DMAP1: variants seen among roughly 807,000 people sequenced by gnomAD.
DMAP1 encodes the protein DNA methyltransferase 1 associated protein 1.
DMAP1 carries 26 observed loss-of-function variants against 52.7 expected under a neutral mutation model. That is an observed-to-expected ratio of 0.49 (90% CI 0.36 to 0.68). DMAP1 has a LOEUF of 0.68. DMAP1 is among the 30% of genes least tolerant of loss of function. The pLI is 0.00. For missense variants in DMAP1, 439 were observed against 625.2 expected, an observed-to-expected ratio of 0.70 and a Z score of 3.18; for synonymous variants, 231 against 246.0, an observed-to-expected ratio of 0.94 and a Z score of 0.57.
chr1:44,215,017 C>A, intron 3 of DMAP1, 119 bp downstream of exon 3: 1 of 1,144,590 alleles, frequency 8.7e-7, no homozygotes, highest in Non-Finnish European at 1.3e-6. Flanking sequence ...ACTGTGATTA[C>A]CCACTCAATC....
Position 44,219,786 on chromosome 1 carries a change from C to G in DMAP1, c.979-20C>G. On this transcript the variant is annotated intron_variant, in intron 7 of 9. Transcript: ENST00000372289. Reference sequence around the variant, plus strand: ...CCTCTTGTGGCTGGGACAGGCTTAGCTTGCCAGCTTTCATTGCAGATGAAG... The same window carrying G: ...CCTCTTGTGGCTGGGACAGGCTTAGGTTGCCAGCTTTCATTGCAGATGAAG... The G allele has an allele frequency of 6.2e-7, 1 of 1,613,580 alleles. No individual in the cohort carries two copies. The highest frequency in any genetic ancestry group is 8.5e-7 in the Non-Finnish European group (1 of 1,179,778).
chr1:44,215,783 C>T, intron 3 of DMAP1: 2 of 174,594 alleles, frequency 1.1e-5, no homozygotes, highest in Non-Finnish European at 2.5e-5. Flanking sequence ...CCCCCTAGTC[C>T]AAGCTGAGTT....
At chr1:44,214,966 CCA>C in intron 3 of DMAP1, 68 bp downstream of exon 3, 1 of 1,584,606 alleles carries the variant, frequency 6.3e-7, no homozygotes, top group Middle Eastern at 1.7e-4. Context: ...TGCGAGCTCT[CCA>C]GTCTCCTAGG....
At chr1:44,216,544 T>G (rs566615671) in intron 3 of DMAP1, 5 of 152,350 alleles carry the variant, frequency 3.3e-5, no homozygotes, top group South Asian at 2.1e-4. Context: ...GTTGTTGGTT[T>G]GTTTGTTTTT....
chr1:44,218,308 T>G lies in DMAP1; in HGVS notation c.394-3T>G. 1 of 1,614,218 alleles carries G rather than the reference T, an allele frequency of 6.2e-7. No individual in the cohort carries two copies. Among genetic ancestry groups the G allele is most frequent in the Non-Finnish European group, 8.5e-7 (1 of 1,180,038 alleles). On this transcript the variant is annotated splice_region_variant and splice_polypyrimidine_tract_variant and intron_variant, in intron 3 of 9. Transcript: ENST00000372289. This position sits in a 1 kb window ranked among gnomAD's most constrained non-coding sequence, Gnocchi z 5.6. ...CCCCTACTGTGTCCCTCTGTGCTAG[T>G]AGACTGTGCAGGTGCCTGTGTACTC...
rs752252650 is a variant in DMAP1, at chr1:44,214,819, G to A, written c.314G>A (p.Arg105His). ...TGGATGCCATTCACCAACCCGGCCC[G>A]CAAGGACGGAGCAATGTTCTTCCAC... is the stretch of plus-strand genomic sequence containing the variant. ...WKWMPFTNPA[R>H]KDGAMFFHWR... Residue 105 changes from arginine (R) to histidine (H), a missense_variant, in exon 3 of 10, where the codon CGC becomes CAC. This residue lies in a region of DMAP1 where 118 missense variants were observed against 189.8 expected (regional missense o/e 0.62). Transcript: ENST00000372289. The A allele has an allele frequency of 3.7e-6, 6 of 1,614,076 alleles. No individual in the cohort carries two copies. Among genetic ancestry groups the A allele is most frequent in the South Asian group, 2.2e-5 (2 of 91,094 alleles).
rs1430756461 is a variant in DMAP1 at position 44,219,484 on chromosome 1, G to A, written c.978+7G>A. 6 of 1,567,738 alleles carry A rather than the reference G, an allele frequency of 3.8e-6. No homozygotes were observed. The highest frequency in any genetic ancestry group is 5.2e-6 in the Non-Finnish European group (6 of 1,162,292). On this transcript the variant is annotated splice_region_variant and intron_variant, in intron 7 of 9. Coordinates refer to ENST00000372289, the MANE Select transcript of DMAP1 (RefSeq NM_019100.5). ...CACGCTGCGGAGCCAACGGGTACGT[G>A]AGTCACCTCCTTTAGCAAGTTTGGG...
chr1:44,216,360 G>A (rs530778683), intron 3 of DMAP1: 1 of 151,994 alleles, frequency 6.6e-6, no homozygotes, highest in East Asian at 1.9e-4. Context: ...CTCCTGAGTA[G>A]CTGGGACCAC....
rs770986672 is a variant in DMAP1 at position 44,220,150 on chromosome 1, T to G, written c.1185T>G (p.His395Gln). The change falls in exon 9 of 10, where the codon CAT (histidine) becomes CAG (glutamine). Residue 395 changes from histidine to glutamine, a missense_variant. Physicochemically the swap from His to Gln is conservative, Grantham distance 24. Coordinates refer to ENST00000372289, the MANE Select transcript of DMAP1 (RefSeq NM_019100.5). ...EYELQMLRHR[H>Q]EALARAGVLG... ...AGCTGCAGATGCTGCGGCACCGTCATGAGGCACTGGCCCGGGCTGGTGTGC... is the reference window on the plus strand; with the variant it reads ...AGCTGCAGATGCTGCGGCACCGTCAGGAGGCACTGGCCCGGGCTGGTGTGC... 2 of 1,612,488 alleles carry G rather than the reference T, an allele frequency of 1.2e-6. No individual in the cohort carries two copies. The highest frequency in any genetic ancestry group is 2.7e-5 in the African/African-American group (2 of 74,938).
Position 44,220,039 on chromosome 1 carries a change from G to A in DMAP1, c.1074G>A (p.Glu358=). 6.2e-7 allele frequency: 1 copy of A among 1,601,970 alleles called. No individual in the cohort carries two copies. The highest frequency in any genetic ancestry group is 8.5e-7 in the Non-Finnish European group (1 of 1,171,064). Residue 358 remains glutamate (E), a synonymous_variant, in exon 9 of 10, where the codon GAG becomes GAA. Transcript: ENST00000372289. The part of the protein sequence containing the change: ...LGVELSPTPT[E]ELVHMFNELR... ...CAGAGCTGAGCCCGACACCTACGGAGGAGCTGGTGCACATGTTCAATGAGC... is the reference window on the plus strand; with the variant it reads ...CAGAGCTGAGCCCGACACCTACGGAAGAGCTGGTGCACATGTTCAATGAGC...
intron 5 of DMAP1, 43 bp from the exon 6 acceptor site, chr1:44,219,013 C>T (rs1643851049): frequency 6.2e-7 from 1 of 1,607,898 alleles, no homozygotes; most frequent in South Asian, 1.1e-5. Flanking sequence ...TACCCTCACT[C>T]CTAGAAGTGC....
chr1:44,219,329 G>C (rs1238834401), intron 6 of DMAP1, 77 bp from the exon 7 acceptor site: 11 of 1,552,948 alleles, frequency 7.1e-6, no homozygotes, highest in Non-Finnish European at 8.7e-6. Flanking sequence ...AGAGTACCCA[G>C]TGCTGATGGG....
chr1:44,220,358 C>T (rs1482458600), intron 9 of DMAP1, 49 bp downstream of exon 9: 1 of 1,519,476 alleles, frequency 6.6e-7, no homozygotes, highest in Non-Finnish European at 8.8e-7. Context: ...TGCGAGTGAG[C>T]ACATGCACAT....
At chr1:44,217,493 C>T (rs750785831) in intron 3 of DMAP1, 4 of 152,206 alleles carry the variant, frequency 2.6e-5, no homozygotes, top group Non-Finnish European at 5.9e-5. Context: ...AGATGCCTCC[C>T]AGGTTTCTGG....
Position 44,220,182 on chromosome 1 carries a change from G to GC in DMAP1, c.1220dup (p.Ala408CysfsTer13). 6.2e-7 allele frequency: 1 copy of GC among 1,605,246 alleles called. No homozygotes were observed. The highest frequency in any genetic ancestry group is 8.5e-7 in the Non-Finnish European group (1 of 1,173,948). ...CTGGCCCGGGCTGGTGTGCTAGGGG[G>GC]CCCTGCCACACCAGCATCAGGCCCA... On this transcript the variant is annotated frameshift_variant, in exon 9 of 10. Transcript: ENST00000372289. LOFTEE classifies it high-confidence loss of function.
In DMAP1 at chr1:44,213,825, C is replaced by A; in HGVS notation, c.72C>A (p.Thr24=). ...GGPEGDAASG[T]ISKKDIINPD... Reference sequence around the variant, plus strand: ...CAGAAGGGGATGCAGCCTCTGGGACCATCAGCAAGAAGGACATTATCAACC... The same window carrying A: ...CAGAAGGGGATGCAGCCTCTGGGACAATCAGCAAGAAGGACATTATCAACC... Residue 24 remains threonine, a synonymous_variant, in exon 1 of 10, where the codon ACC becomes ACA. Coordinates refer to ENST00000372289, the MANE Select transcript of DMAP1 (RefSeq NM_019100.5). The surrounding 1 kb of genome is among the most constrained non-coding windows in gnomAD (Gnocchi z 4.5). 6.3e-7 allele frequency: 1 copy of A among 1,594,648 alleles called. No homozygotes were observed. The highest frequency in any genetic ancestry group is 8.5e-7 in the Non-Finnish European group (1 of 1,170,912).
chr1:44,215,057 CTG>C, intron 3 of DMAP1, 159 bp downstream of exon 3: 3 of 823,608 alleles, frequency 3.6e-6, no homozygotes, highest in Non-Finnish European at 6.1e-6. Flanking sequence ...GAGTAGGACT[CTG>C]TGGGTCTTTT....
At chr1:44,215,570 C>T (rs1009984330) in intron 3 of DMAP1, 2 of 327,184 alleles carry the variant, frequency 6.1e-6, no homozygotes, top group South Asian at 2.5e-5. Context: ...GTCAGTAACA[C>T]GAAACCAGGA....
Position 44,218,787 on chromosome 1 carries a change from G to A in DMAP1, c.720+32G>A, listed in dbSNP as rs1355507056. 6.4e-7 allele frequency: 1 copy of A among 1,570,198 alleles called. No individual in the cohort carries two copies. The stretch of plus-strand genomic sequence containing the variant: ...CCAAGGCCACATACCTGTCCTCCAT[G>A]CCCCAAACCCCTTGCTCATTGTCTC... On this transcript the variant is annotated intron_variant, in intron 5 of 9. Coordinates refer to ENST00000372289, the MANE Select transcript of DMAP1 (RefSeq NM_019100.5). This position sits in a 1 kb window ranked among gnomAD's most constrained non-coding sequence, Gnocchi z 5.6.
Sources: allele counts gnomAD v4.1 joint callset, GRCh38; gene constraint gnomAD v4.1.1; regional missense constraint gnomAD v4.1.1; non-coding constraint Gnocchi (gnomAD v3.1); transcripts MANE v1.5; gene names NCBI Gene and HGNC (gene_info 2026-07-23, HGNC 2026-07-21).